Variants in MAK observed in about 807,000 individuals in gnomAD.
The protein encoded by MAK is serine/threonine-protein kinase MAK.
In MAK, 65 loss-of-function variants were observed where a neutral mutation model predicts 82.6. The observed-to-expected ratio is 0.79, with a 90% CI of 0.64 to 0.97. MAK has a LOEUF of 0.97. Among genes scored for constraint, MAK ranks in the 50% least tolerant of loss-of-function variants. MAK has a pLI of 0.00. For missense variants in MAK, 703 were observed against 780.2 expected (o/e 0.90, Z 1.18); for synonymous variants, 250 against 274.2 (o/e 0.91, Z 0.87).
At position 10,767,790 on chromosome 6, in the gene MAK, CAAAAA is replaced by C. The variant is rs35961098; in HGVS notation, c.1792+2316_1792+2320del. On this transcript the variant is annotated intron_variant, in intron 14 of 14. Transcript: ENST00000354489. ...CTGGTGACAGAGCGAGACTTTGTCTCAAAAAAAAAAAAAAAAAAAAACAAAAACAA... is the reference window on the plus strand; with the variant it reads ...CTGGTGACAGAGCGAGACTTTGTCTCAAAAAAAAAAAAAAAACAAAAACAA... Among the ~76,000 whole-genome samples the C allele has an allele frequency of 4.3e-5, 6 of 139,396 alleles. No individual in the cohort carries two copies. The East Asian group carries it at 8.3e-4, about 19-fold the overall frequency. 91.4% of individuals were successfully genotyped at this position (139,396 alleles called of 152,430 possible). A position where few individuals can be genotyped will look rare whatever the true frequency, so the allele number is the denominator to read the frequency against.
intron 2 of MAK, among the ~76,000 whole-genome samples, chr6:10,824,986 C>T (rs979361929): frequency 4.6e-5 from 7 of 152,344 alleles, no homozygotes; most frequent in Admixed American, 4.6e-4. Flanking sequence ...AATACTCACT[C>T]TCTCAGCCTC....
At position 10,764,557 on chromosome 6, in the gene MAK, A is replaced by C; in HGVS notation, c.1842T>G (p.Thr614=). The change falls in exon 15 of 15, where the codon ACT becomes ACG. Residue 614 remains threonine, a synonymous_variant. Transcript: ENST00000354489. ...TTAGGTTTTTTGCTGTAGGATTATA[A>C]GTACGTCCTGAAAACTGCCCCCGAC... ...KTGRGQFSGR[T]YNPTAKNLNI... The C allele has an allele frequency of 6.2e-7, 1 of 1,614,090 alleles. No homozygotes were observed. The highest frequency in any genetic ancestry group is 8.5e-7 in the Non-Finnish European group (1 of 1,179,986).
intron 2 of MAK, among the ~76,000 whole-genome samples, chr6:10,827,236 T>C (rs142570351): frequency 0.02 from 3,067 of 152,284 alleles, 40 homozygotes; most frequent in Non-Finnish European, 0.03. Flanking sequence ...TGTGGGACTG[T>C]ACCCAAGACC....
At chr6:10,796,439 C>A (rs1775570251) in intron 8 of MAK, 130 bp from the exon 9 acceptor site, 1 of 731,632 alleles carries the variant, frequency 1.4e-6, no homozygotes. Flanking sequence ...TAGAAAGCAG[C>A]CATCATTCCC....
Position 10,776,290 on chromosome 6 carries a change from T to C in MAK, c.1466-831A>G, listed in dbSNP as rs2127520244. Reference sequence around the variant, plus strand: ...TCCCCTGTGCGCCAGAAAGAAGTCATTGCAAATGTACTTGGAAAAAGAACA... The same window carrying C: ...TCCCCTGTGCGCCAGAAAGAAGTCACTGCAAATGTACTTGGAAAAAGAACA... On this transcript the variant is annotated intron_variant, in intron 11 of 14. Coordinates refer to ENST00000354489, the MANE Select transcript of MAK (RefSeq NM_001242957.3). This position sits in a 1 kb window ranked among gnomAD's most constrained non-coding sequence, Gnocchi z 4.3. 6.6e-6 allele frequency among the ~76,000 whole-genome samples: 1 copy of C among 152,300 alleles called. No individual in the cohort carries two copies.
At chr6:10,816,891 T>C (rs968149947) in intron 4 of MAK, among the ~76,000 whole-genome samples, 1 of 152,170 alleles carries the variant, frequency 6.6e-6, no homozygotes, top group African/African-American at 2.4e-5. Context: ...TAAAAAACTT[T>C]GTCCCACTAA....
chr6:10,781,421 A>ATTTTTTTT (rs1007040142), intron 11 of MAK, among the ~76,000 whole-genome samples: 1 of 134,458 alleles, frequency 7.4e-6, no homozygotes. Context: ...TCAAAAGTAG[A>ATTTTTTTT]TTTTTTTTTT....
intron 5 of MAK, among the ~76,000 whole-genome samples, chr6:10,810,345 CTTTTTTT>C (rs111859354): frequency 6.6e-5 from 8 of 121,666 alleles, no homozygotes; most frequent in Admixed American, 3.5e-4. Flanking sequence ...TTATCTTTTT[CTTTTTTT>C]TTTTTTTTTT....
chr6:10,799,621 A>G (rs1296091920), intron 8 of MAK, among the ~76,000 whole-genome samples: 1 of 152,204 alleles, frequency 6.6e-6, no homozygotes, highest in African/African-American at 2.4e-5. Flanking sequence ...AAATTTTAAA[A>G]AAGAAAAATT....
At chr6:10,813,861 C>A in intron 4 of MAK, 138 bp from the exon 5 acceptor site, 1 of 688,784 alleles carries the variant, frequency 1.5e-6, no homozygotes, top group South Asian at 1.6e-5. Flanking sequence ...GATTTATACT[C>A]TTAAAGCTCA....
rs1775238981 is a variant in MAK, at chr6:10,793,317, A to AAATG, written c.1144-1474_1144-1471dup. Among the ~76,000 whole-genome samples, 1 of 152,224 alleles carries AAATG rather than the reference A, an allele frequency of 6.6e-6. No homozygotes were observed. The highest frequency in any genetic ancestry group is 2.1e-4 in the South Asian group (1 of 4,830). The stretch of plus-strand genomic sequence containing the variant: ...GAAGAACTTGACCAACAGTACTGAC[A>AAATG]AATGGATCAACGTCAATCTAGAGAA... On this transcript the variant is annotated intron_variant, in intron 9 of 14. Transcript: ENST00000354489. This position sits in a 1 kb window ranked among gnomAD's most constrained non-coding sequence, Gnocchi z 4.6.
At chr6:10,806,461 T>C (rs181974500) in intron 6 of MAK, among the ~76,000 whole-genome samples, 5 of 151,140 alleles carry the variant, frequency 3.3e-5, no homozygotes, top group Admixed American at 6.6e-5. Flanking sequence ...CCCAAGTAGC[T>C]GGGACTAGCT....
chr6:10,830,764 G>A lies in MAK; in HGVS notation c.-116C>T, dbSNP rs983386839. On this transcript the variant is annotated 5_prime_UTR_variant, in exon 2 of 15. Coordinates refer to ENST00000354489, the MANE Select transcript of MAK (RefSeq NM_001242957.3). The stretch of plus-strand genomic sequence containing the variant: ...GTCCTCACACTGTTGTTGCTACACT[G>A]GTGACAGGTTTGTCATCATTAAATA... 1 of 792,910 alleles carries A rather than the reference G, an allele frequency of 1.3e-6. No individual in the cohort carries two copies. 49.1% of individuals were successfully genotyped at this position (792,910 alleles called of 1,614,324 possible). A position where few individuals can be genotyped will look rare whatever the true frequency, so the allele number is the denominator to read the frequency against.
chr6:10,798,020 G>T, intron 8 of MAK: 1 of 997,010 alleles, frequency 1.0e-6, no homozygotes, highest in Non-Finnish European at 1.2e-6. Flanking sequence ...TAATTAGTAT[G>T]TCAATATTCC....
chr6:10,765,440 ATTTTTTTTTTT>A (rs200536068), intron 14 of MAK, among the ~76,000 whole-genome samples: 34 of 130,642 alleles, frequency 2.6e-4, no homozygotes, highest in African/African-American at 6.0e-4. Context: ...TAGAATGAAG[ATTTTTTTTTTT>A]TTTTTTTTTT....
At chr6:10,828,994 T>C (rs1778581264) in intron 2 of MAK, 1 of 152,230 alleles carries the variant, frequency 6.6e-6, no homozygotes, top group African/African-American at 2.4e-5. Context: ...CAGTCTGTGA[T>C]ACTTTGTTAC....
At chr6:10,808,977 A>G in intron 5 of MAK, 35 bp from the exon 6 acceptor site, 1 of 1,562,782 alleles carries the variant, frequency 6.4e-7, no homozygotes, top group Non-Finnish European at 8.8e-7. Context: ...AATACAGTAA[A>G]TCATTACGTT....
chr6:10,803,862 G>T lies in MAK; in HGVS notation c.521C>A (p.Ser174Tyr), dbSNP rs1273757564. 6.2e-7 allele frequency: 1 copy of T among 1,614,038 alleles called. No homozygotes were observed. The highest frequency in any genetic ancestry group is 2.2e-5 in the East Asian group (1 of 44,860). ...ATCAATGGGAGAACTATAAACTGAA[G>T]ATCTCAGTAAAACTTCAGGGGCACG... ...WYRAPEVLLRSSVYSSPIDVW... is the reference protein window; with the variant it reads ...WYRAPEVLLRYSVYSSPIDVW... The change falls in exon 7 of 15, where the codon TCT becomes TAT. Residue 174 changes from serine (S) to tyrosine (Y), a missense_variant. Transcript: ENST00000354489.
At chr6:10,784,027 CAA>C (rs1774284717) in intron 11 of MAK, among the ~76,000 whole-genome samples, 1 of 150,628 alleles carries the variant, frequency 6.6e-6, no homozygotes, top group African/African-American at 2.5e-5. Context: ...TCAAAAAAAA[CAA>C]AAAAACAAAC....
Sources: allele counts gnomAD v4.1 joint callset (sites outside exome capture counted in the v4.1 genomes callset), GRCh38; gene constraint gnomAD v4.1.1; non-coding constraint Gnocchi (gnomAD v3.1); transcripts MANE v1.5; gene names NCBI Gene and HGNC (gene_info 2026-07-23, HGNC 2026-07-21).